Variants in GRID2 observed in about 807,000 individuals in gnomAD.
GRID2 encodes glutamate ionotropic receptor delta type subunit 2, also known as glutamate receptor ionotropic, delta-2.
In GRID2, 33 loss-of-function variants were observed where a neutral mutation model predicts 114.8. The observed-to-expected ratio is 0.29, with a 90% CI of 0.22 to 0.38. The LOEUF is 0.38. GRID2 is among the 10% of genes least tolerant of loss of function. The pLI is 1.00. For missense variants in GRID2, 1,184 were observed against 1,257.7 expected, an observed-to-expected ratio of 0.94 and a Z score of 0.89; for synonymous variants, 505 against 449.9, an observed-to-expected ratio of 1.12 and a Z score of -1.55.
downstream of GRID2, among the ~76,000 whole-genome samples, chr4:93,777,215 A>G (rs752468645): frequency 6.6e-6 from 1 of 152,244 alleles, no homozygotes; most frequent in Non-Finnish European, 1.5e-5. Flanking sequence ...GTTAAAGCAC[A>G]TAATGATTCA....
intron 3 of GRID2, among the ~76,000 whole-genome samples, chr4:93,089,403 C>T (rs945050422): frequency 1.3e-5 from 2 of 152,048 alleles, no homozygotes; most frequent in African/African-American, 4.8e-5. Context: ...ACAGGCTGAC[C>T]TATCTGTAAC....
At chr4:92,709,589 A>ATATATATATATAT (rs1553919234) in intron 2 of GRID2, among the ~76,000 whole-genome samples, 13 of 114,642 alleles carry the variant, frequency 1.1e-4, no homozygotes, top group Middle Eastern at 5.1e-3. Flanking sequence ...AAAAAAAAAA[A>ATATATATATATAT]ATATATATAT....
At chr4:93,754,401 A>G (rs1732577644) in intron 14 of GRID2, among the ~76,000 whole-genome samples, 1 of 152,234 alleles carries the variant, frequency 6.6e-6, no homozygotes, top group South Asian at 2.1e-4. Context: ...AATAATATCT[A>G]CAAAGTGGAT....
chr4:93,636,192 A>G (rs1721394438), intron 14 of GRID2, among the ~76,000 whole-genome samples: 1 of 152,170 alleles, frequency 6.6e-6, no homozygotes, highest in South Asian at 2.1e-4. Flanking sequence ...CAGCTGGATA[A>G]TAAGCCCATG....
chr4:92,783,482 A>T (rs1290739439), intron 2 of GRID2, among the ~76,000 whole-genome samples: 1 of 152,106 alleles, frequency 6.6e-6, no homozygotes, highest in Non-Finnish European at 1.5e-5. Context: ...TGAATTTTTT[A>T]TGTGAATTAA....
At chr4:92,396,478 C>G (rs1730497268) in intron 1 of GRID2, among the ~76,000 whole-genome samples, 1 of 151,944 alleles carries the variant, frequency 6.6e-6, no homozygotes, top group South Asian at 2.1e-4. Context: ...CATCATCATA[C>G]ACAGTCATCT....
intron 2 of GRID2, among the ~76,000 whole-genome samples, chr4:92,831,102 G>T (rs554626148): frequency 6.6e-6 from 1 of 152,248 alleles, no homozygotes; most frequent in African/African-American, 2.4e-5. Flanking sequence ...TTTTTAAATT[G>T]TTACTATATA....
At chr4:92,983,044 G>C (rs939859779) in intron 2 of GRID2, among the ~76,000 whole-genome samples, 7 of 152,074 alleles carry the variant, frequency 4.6e-5, no homozygotes, top group African/African-American at 1.2e-4. Flanking sequence ...CCGTCAATCA[G>C]AGATAGGAAG....
Position 92,633,207 on chromosome 4 carries a change from G to A in GRID2, c.244+42921G>A, listed in dbSNP as rs528339881. ...GTTCAATTTTTCATTGTATTTTTCT[G>A]ATTTGATGTTTGTTGCCAAGAACAC... On this transcript the variant is annotated intron_variant, in intron 2 of 15. Transcript: ENST00000282020. Among the ~76,000 whole-genome samples the A allele has an allele frequency of 4.6e-4, 70 of 152,180 alleles. No homozygotes were observed. In the South Asian group the frequency reaches 5.2e-3, roughly 11 times the overall value.
chr4:92,605,854 C>T (rs1345585782), intron 2 of GRID2, among the ~76,000 whole-genome samples: 2 of 152,008 alleles, frequency 1.3e-5, no homozygotes, highest in Admixed American at 6.6e-5. Context: ...CTTATACTCC[C>T]CTTGGACATG....
At chr4:93,516,718 G>T (rs1368340597) in intron 13 of GRID2, among the ~76,000 whole-genome samples, 1 of 152,024 alleles carries the variant, frequency 6.6e-6, no homozygotes. Flanking sequence ...GAGGAGGAGG[G>T]TGGACATTTT....
At chr4:93,012,577 G>C (rs1297039899) in intron 2 of GRID2, among the ~76,000 whole-genome samples, 1 of 151,964 alleles carries the variant, frequency 6.6e-6, no homozygotes, top group Non-Finnish European at 1.5e-5. Flanking sequence ...GGACTCTGGA[G>C]TTGTCCCTTG....
chr4:93,020,900 C>T (rs372229201), intron 2 of GRID2, among the ~76,000 whole-genome samples: 9 of 151,736 alleles, frequency 5.9e-5, no homozygotes, highest in South Asian at 2.1e-4. Context: ...GGCATGGTGG[C>T]GGGCACCTGT....
In GRID2 at chr4:93,144,140, C is replaced by T. The variant is rs537788178; in HGVS notation, c.735+33187C>T. On this transcript the variant is annotated intron_variant, in intron 4 of 15. Transcript: ENST00000282020. Reference sequence around the variant, plus strand: ...GATAATTTACATTTCTAACAAGTTGCCAGGAGGTGCTCATATTGCTGGTCT... The same window carrying T: ...GATAATTTACATTTCTAACAAGTTGTCAGGAGGTGCTCATATTGCTGGTCT... Among the ~76,000 whole-genome samples, 77 of 152,224 alleles carry T rather than the reference C, an allele frequency of 5.1e-4. 2 individuals are homozygous for T. In the South Asian group the frequency reaches 0.016, roughly 31 times the overall value.
intron 14 of GRID2, among the ~76,000 whole-genome samples, chr4:93,644,046 G>GC (rs886895333): frequency 3.8e-5 from 3 of 79,398 alleles, no homozygotes; most frequent in Admixed American, 3.2e-4. Flanking sequence ...TCTGAAAAGC[G>GC]CAATATTCGG....
At chr4:93,577,056 T>G (rs1736494614) in intron 13 of GRID2, among the ~76,000 whole-genome samples, 1 of 152,200 alleles carries the variant, frequency 6.6e-6, no homozygotes, top group Non-Finnish European at 1.5e-5. Context: ...AAAAATCATC[T>G]GCCTTTCCCC....
At chr4:93,078,710 G>T (rs1560855588) in intron 2 of GRID2, among the ~76,000 whole-genome samples, 1 of 139,182 alleles carries the variant, frequency 7.2e-6, no homozygotes, top group African/African-American at 2.6e-5. Flanking sequence ...TTTATATACT[G>T]TATATACTAA....
At chr4:93,678,173 A>G (rs565234603) in intron 14 of GRID2, among the ~76,000 whole-genome samples, 9 of 152,174 alleles carry the variant, frequency 5.9e-5, no homozygotes, top group Non-Finnish European at 7.3e-5. Context: ...AAGAAAGGGT[A>G]TCAGTGATGG....
chr4:93,650,513 A>T (rs890671762), intron 14 of GRID2, among the ~76,000 whole-genome samples: 13 of 152,178 alleles, frequency 8.5e-5, no homozygotes, highest in African/African-American at 3.1e-4. Flanking sequence ...TTCAGTCTAG[A>T]AAAAGGGGCA....
Sources: gnomAD v4.1 joint callset for allele counts (sites outside exome capture counted in the v4.1 genomes callset) on GRCh38, gnomAD v4.1.1 for gene constraint, MANE v1.5 for transcripts, NCBI Gene and HGNC (gene_info 2026-07-23, HGNC 2026-07-21) for gene names.